Variants in RBM46 observed in about 807,000 individuals in gnomAD.
RBM46 encodes the protein RNA binding motif protein 46.
In RBM46, 12 loss-of-function variants were observed where a neutral mutation model predicts 43.3. That is an observed-to-expected ratio of 0.28 (90% CI 0.18 to 0.45). The LOEUF is 0.45. RBM46 is among the 20% of genes least tolerant of loss of function. The pLI is 1.00. For missense variants in RBM46, 412 were observed against 639.1 expected (o/e 0.64, Z 3.83); for synonymous variants, 205 against 207.6 (o/e 0.99, Z 0.11).
At chr4:154,811,728 T>A (rs1041476645) in intron 4 of RBM46, among the ~76,000 whole-genome samples, 2 of 151,244 alleles carry the variant, frequency 1.3e-5, no homozygotes, top group African/African-American at 4.9e-5. Context: ...TCACCCAGGC[T>A]GGAGTGCAGT....
intron 4 of RBM46, among the ~76,000 whole-genome samples, chr4:154,813,331 G>A (rs1735274990): frequency 6.6e-6 from 1 of 152,002 alleles, no homozygotes. Context: ...TTTTTAACAT[G>A]CTAATGTTGG....
chr4:154,816,884 G>A (rs914674794), intron 4 of RBM46, among the ~76,000 whole-genome samples: 2 of 151,864 alleles, frequency 1.3e-5, no homozygotes, highest in Non-Finnish European at 2.9e-5. Context: ...ATCATGAATG[G>A]GTCATGAATT....
chr4:154,824,018 A>G (rs1028486010), intron 4 of RBM46, among the ~76,000 whole-genome samples: 2 of 151,846 alleles, frequency 1.3e-5, no homozygotes, highest in Non-Finnish European at 2.9e-5. Context: ...TGTGTATTCC[A>G]TATATAAATA....
rs562126009 is a variant in RBM46 at position 154,828,496 on chromosome 4, T to G, written c.*429T>G. On this transcript the variant is annotated 3_prime_UTR_variant, in exon 5 of 5. Transcript: ENST00000281722. ...TCTGTACTGGAGATTAGAACAATTATATGACCAGAAGCATCTAACCATTAT... is the reference window on the plus strand; with the variant it reads ...TCTGTACTGGAGATTAGAACAATTAGATGACCAGAAGCATCTAACCATTAT... 5 of 159,448 alleles carry G rather than the reference T, an allele frequency of 3.1e-5. No individual in the cohort carries two copies. The highest frequency in any genetic ancestry group is 1.2e-4 in the African/African-American group (5 of 41,568). 9.9% of individuals were successfully genotyped at this position (159,448 alleles called of 1,614,324 possible).
chr4:154,799,184 C>T lies in RBM46; in HGVS notation c.1022C>T (p.Pro341Leu), dbSNP rs1411185378. Residue 341 changes from proline (P) to leucine (L), a missense_variant, in exon 4 of 5, where the codon CCA becomes CTA. Physicochemically the swap from Pro to Leu is moderately conservative, Grantham distance 98 (BLOSUM62 -3). Around this residue, in one of 8 missense-constraint regions of RBM46, gnomAD observed 105 missense variants for 111.0 expected, o/e 0.95. Transcript: ENST00000281722. Reference protein sequence around the residue: ...IVFANKEESHPKTLGKLPTLP... With the variant: ...IVFANKEESHLKTLGKLPTLP... ...TTTGCTAACAAAGAAGAGAGCCACC[C>T]AAAAACTCTAGGCAAGCTGCCAACT... is the stretch of plus-strand genomic sequence containing the variant. The T allele has an allele frequency of 6.2e-7, 1 of 1,614,078 alleles. No individual in the cohort carries two copies. Among genetic ancestry groups the T allele is most frequent in the African/African-American group, 1.3e-5 (1 of 75,030 alleles).
intron 1 of RBM46, among the ~76,000 whole-genome samples, chr4:154,789,073 G>A (rs1482456243): frequency 1.3e-5 from 2 of 152,150 alleles, no homozygotes; most frequent in Admixed American, 1.3e-4. Context: ...AGGAGATTTT[G>A]GGCTGAGACA....
At chr4:154,798,395 G>GT in intron 3 of RBM46, 117 bp downstream of exon 3, 1 of 667,322 alleles carries the variant, frequency 1.5e-6, no homozygotes, top group Non-Finnish European at 2.4e-6. Context: ...GTAAAGAATT[G>GT]TTTGAGTAAT....
chr4:154,788,587 T>C (rs534575444), intron 1 of RBM46, among the ~76,000 whole-genome samples: 3 of 152,302 alleles, frequency 2.0e-5, no homozygotes, highest in Admixed American at 6.5e-5. Flanking sequence ...TTGGTTACTG[T>C]GGCCTTATAT....
At chr4:154,785,769 G>C (rs1040387664) in intron 1 of RBM46, among the ~76,000 whole-genome samples, 2 of 152,188 alleles carry the variant, frequency 1.3e-5, no homozygotes, top group Non-Finnish European at 1.5e-5. Context: ...AGAGAGTTCA[G>C]AGTTATGAAT....
At chr4:154,791,407 A>C (rs961315660) in intron 1 of RBM46, among the ~76,000 whole-genome samples, 1 of 152,188 alleles carries the variant, frequency 6.6e-6, no homozygotes, top group African/African-American at 2.4e-5. Flanking sequence ...CTGTAATTCC[A>C]GCACTTTGAG....
intron 4 of RBM46, among the ~76,000 whole-genome samples, chr4:154,826,455 T>C (rs1735968507): frequency 6.6e-6 from 1 of 152,086 alleles, no homozygotes; most frequent in Non-Finnish European, 1.5e-5. Context: ...TGAAACTCTG[T>C]CTCAAATAAA....
chr4:154,806,133 T>C (rs932810540), intron 4 of RBM46, among the ~76,000 whole-genome samples: 1 of 151,872 alleles, frequency 6.6e-6, no homozygotes, highest in Non-Finnish European at 1.5e-5. Flanking sequence ...TTTGTATTAC[T>C]CTTGAAGTTT....
intron 4 of RBM46, chr4:154,820,233 C>A: frequency 2.2e-6 from 1 of 449,488 alleles, no homozygotes. Flanking sequence ...ACTTCTTTTT[C>A]TCTAAATTTG....
At chr4:154,806,651 GA>G (rs942697047) in intron 4 of RBM46, among the ~76,000 whole-genome samples, 21 of 149,388 alleles carry the variant, frequency 1.4e-4, no homozygotes, top group East Asian at 2.0e-4. Context: ...AGAACAGCTG[GA>G]AAAAAAAATA....
Position 154,828,015 on chromosome 4 carries a change from G to A in RBM46, c.1550G>A (p.Gly517Asp), listed in dbSNP as rs766729265. The A allele has an allele frequency of 1.6e-5, 26 of 1,613,770 alleles. No homozygotes were observed. The East Asian group carries it at 4.2e-4, about 26-fold the overall frequency. ...TCACCAACAATATCACTTGCTAATG[G>A]CAGCCATGTTGGACAGCGGCTATGT... ...PLSPTISLANGSHVGQRLCIS... is the reference protein window; with the variant it reads ...PLSPTISLANDSHVGQRLCIS... The change falls in exon 5 of 5, where the codon GGC (glycine) becomes GAC (aspartate). Residue 517 changes from glycine to aspartate, a missense_variant. Gly to Asp is a moderately conservative substitution (Grantham distance 94, BLOSUM62 -1). Transcript: ENST00000281722.
At chr4:154,797,166 G>A (rs1347417392) in intron 2 of RBM46, among the ~76,000 whole-genome samples, 1 of 152,106 alleles carries the variant, frequency 6.6e-6, no homozygotes, top group Non-Finnish European at 1.5e-5. Context: ...AGGAAAGTAG[G>A]AAAAAGGGTG....
At chr4:154,808,867 A>G (rs1447092444) in intron 4 of RBM46, among the ~76,000 whole-genome samples, 2 of 152,100 alleles carry the variant, frequency 1.3e-5, no homozygotes, top group Non-Finnish European at 2.9e-5. Flanking sequence ...GTGTGTATCA[A>G]GTATAGAAAT....
intron 4 of RBM46, among the ~76,000 whole-genome samples, chr4:154,803,906 G>A (rs558473786): frequency 3.9e-5 from 6 of 152,064 alleles, no homozygotes; most frequent in South Asian, 4.2e-4. Context: ...GGATCATGGC[G>A]GTGGATTTCT....
At chr4:154,808,586 T>A (rs750437725) in intron 4 of RBM46, among the ~76,000 whole-genome samples, 2 of 151,972 alleles carry the variant, frequency 1.3e-5, no homozygotes, top group Non-Finnish European at 2.9e-5. Context: ...TTCCTGCTGC[T>A]GCCCAGTTAA....
Sources: gnomAD v4.1 joint callset for allele counts (sites outside exome capture counted in the v4.1 genomes callset) on GRCh38, gnomAD v4.1.1 for gene constraint, gnomAD v4.1.1 regional missense constraint, MANE v1.5 for transcripts, NCBI Gene and HGNC (gene_info 2026-07-23, HGNC 2026-07-21) for gene names.